The following KLF12 variants were observed in gnomAD, a reference collection of about 807,000 sequenced individuals.
The protein encoded by KLF12 is Krueppel-like factor 12.
KLF12 carries 9 observed loss-of-function variants against 37.8 expected under a neutral mutation model. The ratio of observed to expected loss-of-function variants is 0.24; its 90% CI spans 0.14 to 0.42. The LOEUF is 0.42. Ranked by LOEUF, KLF12 falls within the 10% of genes least tolerant of loss-of-function variation. The probability of loss-of-function intolerance (pLI) is 1.00; values close to 1 mark genes in which losing one functional copy is unlikely to be tolerated. For synonymous variants in KLF12, 208 were observed against 202.1 expected, an observed-to-expected ratio of 1.03 and a Z score of -0.25; for missense variants, 411 against 516.0, an observed-to-expected ratio of 0.80 and a Z score of 1.97.
At chr13:73,765,906 T>C (rs2138082535) in intron 5 of KLF12, among the ~76,000 whole-genome samples, 1 of 152,320 alleles carries the variant, frequency 6.6e-6, no homozygotes, top group South Asian at 2.1e-4. Context: ...GATATAAAAC[T>C]GGTCTTAAAG....
chr13:73,857,664 C>T (rs200645941), intron 3 of KLF12, among the ~76,000 whole-genome samples: 1 of 152,112 alleles, frequency 6.6e-6, no homozygotes, highest in Non-Finnish European at 1.5e-5. Flanking sequence ...GGATGCGTAA[C>T]TTTGTCTTAT....
chr13:73,986,354 C>T (rs1294217944), intron 2 of KLF12, among the ~76,000 whole-genome samples: 1 of 152,014 alleles, frequency 6.6e-6, no homozygotes, highest in East Asian at 1.9e-4. Flanking sequence ...TTTTTTCTTC[C>T]AATCACAAGA....
intron 1 of KLF12, among the ~76,000 whole-genome samples, chr13:74,052,348 T>A (rs1330073708): frequency 2.6e-5 from 4 of 152,156 alleles, no homozygotes; most frequent in Non-Finnish European, 2.9e-5. Flanking sequence ...TACCTGCTAC[T>A]CATTAGATAA....
the KLF12 span, among the ~76,000 whole-genome samples, chr13:74,161,834 A>T: frequency 6.6e-6 from 1 of 152,302 alleles, no homozygotes; most frequent in South Asian, 2.1e-4. Flanking sequence ...ACGTAAGCAA[A>T]TCCACATGGA....
intron 1 of KLF12, among the ~76,000 whole-genome samples, chr13:74,103,590 G>A (rs1252826215): frequency 6.6e-6 from 1 of 152,156 alleles, no homozygotes; most frequent in Non-Finnish European, 1.5e-5. Flanking sequence ...TTCGGTTGGA[G>A]CTGTTTGGCT....
intron 1 of KLF12, among the ~76,000 whole-genome samples, chr13:74,113,904 A>C (rs773962176): frequency 6.6e-6 from 1 of 152,210 alleles, no homozygotes; most frequent in Non-Finnish European, 1.5e-5. Context: ...CAAGGAGGTC[A>C]AAATATCAAC....
the KLF12 span, among the ~76,000 whole-genome samples, chr13:74,250,150 G>A: frequency 6.6e-5 from 10 of 152,288 alleles, no homozygotes; most frequent in South Asian, 4.1e-4. Flanking sequence ...GGATGGATAC[G>A]TGGAAGGAGT....
At chr13:74,198,317 A>G in the KLF12 span, among the ~76,000 whole-genome samples, 1 of 152,164 alleles carries the variant, frequency 6.6e-6, no homozygotes, top group Non-Finnish European at 1.5e-5. Flanking sequence ...GAAAAAATAT[A>G]AAAGAGAAAC....
intron 3 of KLF12, among the ~76,000 whole-genome samples, chr13:73,863,502 A>G (rs1330850798): frequency 6.6e-6 from 1 of 152,118 alleles, no homozygotes; most frequent in Admixed American, 6.5e-5. Context: ...TTAAATGCAC[A>G]CTGCTTGACA....
chr13:73,701,725 G>T (rs1874568092), intron 7 of KLF12, among the ~76,000 whole-genome samples: 1 of 152,074 alleles, frequency 6.6e-6, no homozygotes. Context: ...TGGCTAGCTG[G>T]GTGATACCAT....
the KLF12 span, among the ~76,000 whole-genome samples, chr13:74,242,914 T>C: frequency 6.6e-6 from 1 of 152,208 alleles, no homozygotes; most frequent in East Asian, 1.9e-4. Flanking sequence ...AGAGCCCTGA[T>C]GAATCTTCAT....
At chr13:73,873,782 C>T (rs1201570258) in intron 3 of KLF12, among the ~76,000 whole-genome samples, 1 of 152,010 alleles carries the variant, frequency 6.6e-6, no homozygotes, top group Non-Finnish European at 1.5e-5. Flanking sequence ...AAATGTCAAG[C>T]TACAAAATAT....
the KLF12 span, among the ~76,000 whole-genome samples, chr13:74,297,189 A>G: frequency 1.2e-4 from 18 of 152,198 alleles, no homozygotes; most frequent in Non-Finnish European, 2.4e-4. Flanking sequence ...AATATGCCAG[A>G]CTATTCAGAA....
chr13:74,112,087 G>A (rs1372185425), intron 1 of KLF12, among the ~76,000 whole-genome samples: 3 of 152,144 alleles, frequency 2.0e-5, no homozygotes, highest in Non-Finnish European at 4.4e-5. Context: ...GGGGTCAGTG[G>A]ACAATGACCT....
At chr13:74,145,568 T>C in the KLF12 span, among the ~76,000 whole-genome samples, 2 of 152,218 alleles carry the variant, frequency 1.3e-5, no homozygotes, top group Non-Finnish European at 2.9e-5. Context: ...TTGACTTGTG[T>C]CTGTTCATGC....
At chr13:74,130,113 T>C (rs1878179049) in intron 1 of KLF12, among the ~76,000 whole-genome samples, 2 of 152,040 alleles carry the variant, frequency 1.3e-5, no homozygotes, top group South Asian at 2.1e-4. Context: ...TTGGGAGGAG[T>C]GGTTGTGGTA....
At chr13:73,929,327 T>G (rs758829351) in intron 3 of KLF12, among the ~76,000 whole-genome samples, 20 of 152,202 alleles carry the variant, frequency 1.3e-4, no homozygotes, top group Non-Finnish European at 2.4e-4. Flanking sequence ...ACTTCTTTAC[T>G]TTCCCAGAAA....
At position 73,751,816 on chromosome 13, in the gene KLF12, C is replaced by T. The variant is rs540850831; in HGVS notation, c.869+13122G>A. 3.2e-4 allele frequency among the ~76,000 whole-genome samples: 48 copies of T among 152,026 alleles called. 2 individuals carry two copies. In the South Asian group the frequency reaches 9.8e-3, roughly 31 times the overall value. On this transcript the variant is annotated intron_variant, in intron 6 of 7. Coordinates refer to ENST00000377669, the MANE Select transcript of KLF12 (RefSeq NM_007249.5). ...AAGTCAGATATCTCACAGAGCAGTC[C>T]GGGGCTGGACATCTACTGGGGGTAA...
intron 1 of KLF12, among the ~76,000 whole-genome samples, chr13:74,012,049 A>G (rs569905000): frequency 6.6e-5 from 10 of 152,180 alleles, no homozygotes; most frequent in Non-Finnish European, 1.3e-4. Flanking sequence ...AACATCCACT[A>G]AACTCCCCAA....
Sources: gnomAD v4.1 joint callset for allele counts (sites outside exome capture counted in the v4.1 genomes callset) on GRCh38, gnomAD v4.1.1 for gene constraint, MANE v1.5 for transcripts, NCBI Gene and HGNC (gene_info 2026-07-23, HGNC 2026-07-21) for gene names.